The following SLC2A9 variants were observed in gnomAD, a reference collection of about 807,000 sequenced individuals.
SLC2A9 encodes the protein solute carrier family 2, facilitated glucose transporter member 9.
Under a neutral mutation model 50.6 loss-of-function variants are expected in SLC2A9, and 39 were observed. The ratio of observed to expected loss-of-function variants is 0.77; its 90% CI spans 0.60 to 1.01. SLC2A9 has a LOEUF of 1.01. Among genes scored for constraint, SLC2A9 ranks in the 50% least tolerant of loss-of-function variants. The probability of loss-of-function intolerance (pLI) is 0.00; values close to 1 mark genes in which losing one functional copy is unlikely to be tolerated. For missense variants in SLC2A9, 686 were observed against 677.6 expected (o/e 1.01, Z -0.14); for synonymous variants, 324 against 276.9 (o/e 1.17, Z -1.69).
At chr4:9,801,574 G>A (rs1401559306) in intron 3 of SLC2A9, among the ~76,000 whole-genome samples, 1 of 152,172 alleles carries the variant, frequency 6.6e-6, no homozygotes, top group Non-Finnish European at 1.5e-5. Context: ...CATCGTTGAG[G>A]GTGGTTCTCG....
chr4:9,824,106 T>C (rs947339073), downstream of SLC2A9, among the ~76,000 whole-genome samples: 4 of 152,108 alleles, frequency 2.6e-5, no homozygotes, highest in South Asian at 8.3e-4. Flanking sequence ...CATGAATTAA[T>C]GGATTAATGA....
chr4:9,931,411 C>G (rs113731973), intron 6 of SLC2A9, among the ~76,000 whole-genome samples: 58 of 152,306 alleles, frequency 3.8e-4, no homozygotes, highest in African/African-American at 1.3e-3. Flanking sequence ...TCAGATCTTG[C>G]CCCAGTTACA....
intron 5 of SLC2A9, among the ~76,000 whole-genome samples, chr4:9,950,892 C>CAAAAAAAAAAAAAA (rs764863059): frequency 4.3e-4 from 5 of 11,554 alleles, no homozygotes; most frequent in Non-Finnish European, 7.5e-4. Flanking sequence ...GACTCCGTCT[C>CAAAAAAAAAAAAAA]AAAAAAAAAA....
intron 5 of SLC2A9, among the ~76,000 whole-genome samples, chr4:9,944,142 C>T (rs1445708503): frequency 6.6e-6 from 1 of 152,176 alleles, no homozygotes; most frequent in Admixed American, 6.5e-5. Context: ...TCCACCCAGG[C>T]TCATTGGGGA....
intron 5 of SLC2A9, among the ~76,000 whole-genome samples, chr4:9,965,610 T>C (rs1317771094): frequency 2.2e-4 from 33 of 152,194 alleles, no homozygotes; most frequent in Admixed American, 2.2e-3. Flanking sequence ...AAAACAAAAC[T>C]GGTAATGAAT....
At chr4:9,849,384 CA>C (rs1319213253) in intron 10 of SLC2A9, among the ~76,000 whole-genome samples, 1 of 152,220 alleles carries the variant, frequency 6.6e-6, no homozygotes, top group Non-Finnish European at 1.5e-5. Context: ...GCATTGTTAA[CA>C]ACCATACATG....
chr4:9,962,756 G>T (rs6850684), intron 5 of SLC2A9, among the ~76,000 whole-genome samples: 71,987 of 152,048 alleles, frequency 0.47, 18,178 homozygotes, highest in African/African-American at 0.64. Context: ...GGGCAGGTGT[G>T]ACTGAAACTG....
At position 9,851,452 on chromosome 4, in the gene SLC2A9, G is replaced by C. The variant is rs1466551567; in HGVS notation, c.1292-16444C>G. 2.6e-5 allele frequency among the ~76,000 whole-genome samples: 4 copies of C among 152,158 alleles called. No individual in the cohort carries two copies. The East Asian group carries it at 7.7e-4, about 29-fold the overall frequency. On this transcript the variant is annotated intron_variant, in intron 10 of 11. Transcript: ENST00000264784. ...AAGGTCAGTAGCCTCAAAGATTGTA[G>C]GATCATCAGTCAACACAGATGAGAA...
At chr4:9,950,707 C>T (rs1750060118) in intron 5 of SLC2A9, among the ~76,000 whole-genome samples, 1 of 64,154 alleles carries the variant, frequency 1.6e-5, no homozygotes. Flanking sequence ...TCCTGGCTAA[C>T]ACGGTGAAAC....
intron 10 of SLC2A9, among the ~76,000 whole-genome samples, chr4:9,843,295 T>C (rs1408972720): frequency 6.6e-6 from 1 of 152,224 alleles, no homozygotes; most frequent in African/African-American, 2.4e-5. Flanking sequence ...TCATTGACTA[T>C]TGCAATAATC....
rs139711307 is a variant in SLC2A9, at chr4:9,993,837, C to T, written c.410+2944G>A. 5.2e-3 allele frequency among the ~76,000 whole-genome samples: 789 copies of T among 152,308 alleles called. 21 individuals carry two copies. Among genetic ancestry groups the T allele is most frequent in the East Asian group, 6.2e-3 (32 of 5,186 alleles). ...CAGGTCATGTGGTATGGCCCATCTC[C>T]AGAGACTCTTCCTGGCCCCCTTTGC... On this transcript the variant is annotated intron_variant, in intron 3 of 11. Transcript: ENST00000264784.
intron 10 of SLC2A9, among the ~76,000 whole-genome samples, chr4:9,859,489 G>T (rs1428027813): frequency 6.6e-6 from 1 of 152,220 alleles, no homozygotes; most frequent in Non-Finnish European, 1.5e-5. Context: ...CCTAATTTGT[G>T]GTAGAGATAG....
chr4:9,965,162 A>G (rs1752867646), intron 5 of SLC2A9, among the ~76,000 whole-genome samples: 1 of 152,232 alleles, frequency 6.6e-6, no homozygotes. Context: ...GTAACAAATT[A>G]GGCTTGGAGA....
rs149796755 is a variant in SLC2A9 at position 9,912,821 on chromosome 4, A to T, written c.1003-4476T>A. 2.7e-3 allele frequency among the ~76,000 whole-genome samples: 404 copies of T among 152,370 alleles called. 5 individuals are homozygous for T. Among genetic ancestry groups the T allele is most frequent in the African/African-American group, 9.5e-3 (395 of 41,588 alleles). ...CCAAAGGGACTTTGCAGATATGTTA[A>T]GTTCAGAATCTTGACATGGGGAAGT... On this transcript the variant is annotated intron_variant, in intron 7 of 11. Coordinates refer to ENST00000264784, the MANE Select transcript of SLC2A9 (RefSeq NM_020041.3).
chr4:9,936,223 G>T (rs1577972200), intron 6 of SLC2A9, among the ~76,000 whole-genome samples: 1 of 152,148 alleles, frequency 6.6e-6, no homozygotes, highest in Admixed American at 6.5e-5. Flanking sequence ...TTACGAACAG[G>T]ATTCATGCCT....
At chr4:10,026,553 T>G (rs550747892) in intron 1 of SLC2A9, among the ~76,000 whole-genome samples, 6 of 152,298 alleles carry the variant, frequency 3.9e-5, no homozygotes, top group African/African-American at 1.4e-4. Flanking sequence ...AAAGAAAAAC[T>G]TGTGCACGAA....
intron 3 of SLC2A9, among the ~76,000 whole-genome samples, chr4:9,792,531 T>C (rs902423810): frequency 3.9e-5 from 6 of 152,110 alleles, no homozygotes; most frequent in African/African-American, 9.6e-5. Flanking sequence ...ATAGCTAACA[T>C]TGTTGCTAAA....
At position 9,927,266 on chromosome 4, in the gene SLC2A9, G is replaced by C. The variant is rs183991328; in HGVS notation, c.815-6694C>G. On this transcript the variant is annotated intron_variant, in intron 6 of 11. Transcript: ENST00000264784. ...TCCTGACCTCAGGTGATCCACCCGC[G>C]TTGGCCTCCCAAAGTGCTGGGATTA... Among the ~76,000 whole-genome samples the C allele has an allele frequency of 4.7e-3, 710 of 152,228 alleles. 8 individuals carry two copies. Among genetic ancestry groups the C allele is most frequent in the African/African-American group, 0.017 (688 of 41,534 alleles).
chr4:9,921,142 C>T (rs769301216), intron 6 of SLC2A9, among the ~76,000 whole-genome samples: 8 of 152,148 alleles, frequency 5.3e-5, no homozygotes, highest in African/African-American at 9.7e-5. Context: ...TTGAGCTTAA[C>T]GACTGCAAGG....
Sources: gnomAD v4.1 joint callset for allele counts (sites outside exome capture counted in the v4.1 genomes callset) on GRCh38, gnomAD v4.1.1 for gene constraint, MANE v1.5 for transcripts, NCBI Gene and HGNC (gene_info 2026-07-23, HGNC 2026-07-21) for gene names.